Variants in MCC observed in about 807,000 individuals in gnomAD.
The protein encoded by MCC is MCC regulator of Wnt signaling pathway.
MCC carries 90 observed loss-of-function variants against 116.2 expected under a neutral mutation model. That is an observed-to-expected ratio of 0.77 (90% confidence interval 0.65 to 0.92). The LOEUF is 0.92. MCC is among the 40% of genes least tolerant of loss of function. The probability of loss-of-function intolerance (pLI) is 0.00; values close to 1 mark genes in which losing one functional copy is unlikely to be tolerated. For missense variants in MCC, 1,516 were observed against 1,312.2 expected (o/e 1.16, Z -2.40); for synonymous variants, 578 against 510.5 (o/e 1.13, Z -1.78).
intron 17 of MCC, among the ~76,000 whole-genome samples, chr5:113,034,009 C>A (rs532454934): frequency 6.6e-6 from 1 of 152,146 alleles, no homozygotes; most frequent in Non-Finnish European, 1.5e-5. Flanking sequence ...ACCTCAGCCT[C>A]CTGAGTGGCT....
chr5:113,139,778 C>A (rs1177912923), intron 5 of MCC, among the ~76,000 whole-genome samples: 1 of 152,110 alleles, frequency 6.6e-6, no homozygotes, highest in Non-Finnish European at 1.5e-5. Flanking sequence ...GATTATAAAT[C>A]ATTCTACTAT....
intron 6 of MCC, among the ~76,000 whole-genome samples, chr5:113,110,448 C>T (rs190046077): frequency 1.0e-3 from 156 of 152,308 alleles, no homozygotes; most frequent in Admixed American, 2.5e-3. Flanking sequence ...TGGCAACAGA[C>T]GCTAGAAGGA....
At chr5:113,145,783 CAAA>C (rs1759476515) in intron 4 of MCC, among the ~76,000 whole-genome samples, 1 of 15,474 alleles carries the variant, frequency 6.5e-5, no homozygotes, top group Non-Finnish European at 1.7e-4. Flanking sequence ...CACACACACA[CAAA>C]CACACACACA....
At chr5:113,433,701 G>T in intron 1 of MCC, 1 of 1,584,550 alleles carries the variant, frequency 6.3e-7, no homozygotes, top group Non-Finnish European at 8.6e-7. Context: ...GCTTTAAGCC[G>T]TGAGCTCCAT....
At chr5:113,413,545 T>C (rs1229452674) in intron 1 of MCC, among the ~76,000 whole-genome samples, 3 of 152,260 alleles carry the variant, frequency 2.0e-5, no homozygotes, top group Non-Finnish European at 4.4e-5. Context: ...CTAGCTTTTC[T>C]AGTTTATTTG....
intron 16 of MCC, among the ~76,000 whole-genome samples, chr5:113,046,710 A>AAAAAAAAAAAAAAGAG: frequency 1.9e-4 from 19 of 102,464 alleles, no homozygotes; most frequent in African/African-American, 6.8e-4. Flanking sequence ...AAAAAAAAAA[A>AAAAAAAAAAAAAAGAG]AGAGAGAGAT....
chr5:113,215,885 C>A (rs1421476669), intron 3 of MCC, among the ~76,000 whole-genome samples: 1 of 152,166 alleles, frequency 6.6e-6, no homozygotes, highest in African/African-American at 2.4e-5. Context: ...TTAGTAAATG[C>A]CTACACTCAG....
chr5:113,190,423 A>G (rs1453321790), intron 3 of MCC, among the ~76,000 whole-genome samples: 1 of 152,164 alleles, frequency 6.6e-6, no homozygotes, highest in Non-Finnish European at 1.5e-5. Flanking sequence ...GAGGGGCTAT[A>G]AGGATTCTCC....
intron 1 of MCC, among the ~76,000 whole-genome samples, chr5:113,464,207 T>C (rs966739893): frequency 6.6e-6 from 1 of 152,028 alleles, no homozygotes; most frequent in Non-Finnish European, 1.5e-5. Context: ...AGACAGTAAA[T>C]ATAGGCAATC....
intron 3 of MCC, among the ~76,000 whole-genome samples, chr5:113,307,800 T>C (rs1767024434): frequency 6.6e-6 from 1 of 152,162 alleles, no homozygotes; most frequent in African/African-American, 2.4e-5. Flanking sequence ...TAGATTCCCC[T>C]TTTTCTTCAA....
At chr5:113,437,659 G>A (rs1770901788) in intron 1 of MCC, among the ~76,000 whole-genome samples, 1 of 152,108 alleles carries the variant, frequency 6.6e-6, no homozygotes, top group African/African-American at 2.4e-5. Context: ...TTCTATTTTG[G>A]CTCAAAATTC....
At chr5:113,467,035 GT>G (rs1006513136) in intron 1 of MCC, among the ~76,000 whole-genome samples, 1 of 139,908 alleles carries the variant, frequency 7.1e-6, no homozygotes, top group Admixed American at 7.4e-5. Flanking sequence ...GGGGTTGTTT[GT>G]TTTTTTCTTG....
At chr5:113,200,945 G>C (rs1172300792) in intron 3 of MCC, among the ~76,000 whole-genome samples, 1 of 152,202 alleles carries the variant, frequency 6.6e-6, no homozygotes, top group Non-Finnish European at 1.5e-5. Context: ...AGTAGATAAA[G>C]GGTTAACATT....
chr5:113,275,443 GC>G (rs1765785596), intron 3 of MCC, among the ~76,000 whole-genome samples: 1 of 152,174 alleles, frequency 6.6e-6, no homozygotes, highest in Admixed American at 6.5e-5. Flanking sequence ...CACTAGCAAT[GC>G]GTAATTGTAG....
chr5:113,252,495 C>T (rs1764840071), intron 3 of MCC, among the ~76,000 whole-genome samples: 1 of 152,172 alleles, frequency 6.6e-6, no homozygotes, highest in South Asian at 2.1e-4. Flanking sequence ...TCGCTGTCTG[C>T]CATCACCCCC....
chr5:113,217,704 C>T (rs1763378893), intron 3 of MCC, among the ~76,000 whole-genome samples: 1 of 150,900 alleles, frequency 6.6e-6, no homozygotes, highest in South Asian at 2.1e-4. Flanking sequence ...TAATCTGATG[C>T]TCCGGTTGCA....
At chr5:113,074,690 T>C (rs917936299) in intron 11 of MCC, among the ~76,000 whole-genome samples, 2 of 152,234 alleles carry the variant, frequency 1.3e-5, no homozygotes, top group Non-Finnish European at 2.9e-5. Context: ...GACAAGTCCT[T>C]AAATGACCTG....
chr5:113,364,015 CA>C (rs1420074004), intron 2 of MCC, among the ~76,000 whole-genome samples: 1 of 152,036 alleles, frequency 6.6e-6, no homozygotes, highest in Non-Finnish European at 1.5e-5. Flanking sequence ...AGGCAGATCA[CA>C]AGGTCAGGAA....
chr5:113,268,475 T>G (rs2150351872), intron 3 of MCC, among the ~76,000 whole-genome samples: 1 of 152,338 alleles, frequency 6.6e-6, no homozygotes, highest in South Asian at 2.1e-4. Context: ...CCATTAGTAG[T>G]CTGACTCACT....
Sources: allele counts gnomAD v4.1 joint callset (sites outside exome capture counted in the v4.1 genomes callset), GRCh38; gene constraint gnomAD v4.1.1; transcripts MANE v1.5; gene names NCBI Gene and HGNC (gene_info 2026-07-23, HGNC 2026-07-21).